The following IGSF21 variants were observed in gnomAD, a reference collection of about 807,000 sequenced individuals.
IGSF21 encodes immunoglobulin superfamily member 21.
IGSF21 carries 28 observed loss-of-function variants against 46.8 expected under a neutral mutation model. The ratio of observed to expected loss-of-function variants is 0.60; its 90% confidence interval spans 0.44 to 0.82. The LOEUF (loss-of-function observed/expected upper bound fraction) is 0.82. Ranked by LOEUF, IGSF21 falls within the 40% of genes least tolerant of loss-of-function variation. IGSF21 has a pLI of 0.00. For missense variants in IGSF21, 624 were observed against 665.5 expected (o/e 0.94, Z 0.69); for synonymous variants, 284 against 273.6 (o/e 1.04, Z -0.38).
chr1:18,118,208 C>T (rs1304397904), intron 1 of IGSF21, among the ~76,000 whole-genome samples: 2 of 152,232 alleles, frequency 1.3e-5, no homozygotes, highest in Non-Finnish European at 2.9e-5. Context: ...CTCAGCGCTC[C>T]TCTGATGGGC....
chr1:18,263,689 C>T (rs990783744), intron 2 of IGSF21, among the ~76,000 whole-genome samples: 3 of 152,112 alleles, frequency 2.0e-5, no homozygotes, highest in Admixed American at 6.5e-5. Flanking sequence ...GCGAAAAGTG[C>T]GGATTCCCAG....
At chr1:18,193,795 C>T (rs556750166) in intron 1 of IGSF21, among the ~76,000 whole-genome samples, 142 of 152,264 alleles carry the variant, frequency 9.3e-4, no homozygotes, top group Admixed American at 1.8e-3. Context: ...ATCACAGAGG[C>T]TTTGGATGGG....
intron 1 of IGSF21, among the ~76,000 whole-genome samples, chr1:18,185,630 G>A (rs1027990751): frequency 2.0e-5 from 3 of 152,162 alleles, no homozygotes; most frequent in Non-Finnish European, 2.9e-5. Context: ...ATTTTGGAGT[G>A]AGACTTCCTG....
chr1:18,372,347 C>T (rs184389458), intron 6 of IGSF21, among the ~76,000 whole-genome samples: 54 of 152,188 alleles, frequency 3.5e-4, no homozygotes, highest in African/African-American at 1.1e-3. Flanking sequence ...CAACAGTGAC[C>T]GGGAATAGTG....
At chr1:18,317,178 G>A (rs1219016171) in intron 3 of IGSF21, among the ~76,000 whole-genome samples, 3 of 152,198 alleles carry the variant, frequency 2.0e-5, no homozygotes, top group African/African-American at 7.2e-5. Context: ...CTCAGTAAAT[G>A]GTGGTTAGTT....
At chr1:18,111,123 TA>T (rs1429159181) in intron 1 of IGSF21, 1 of 152,204 alleles carries the variant, frequency 6.6e-6, no homozygotes, top group African/African-American at 2.4e-5. Context: ...GTGACGACTT[TA>T]TATATTTATC....
intron 6 of IGSF21, 163 bp from the exon 7 acceptor site, chr1:18,376,147 A>C (rs1347980987): frequency 2.9e-6 from 2 of 680,524 alleles, no homozygotes; most frequent in Non-Finnish European, 5.5e-6. Flanking sequence ...ATATGTCTGA[A>C]TGAATGCAGC....
At chr1:18,219,974 G>A (rs1019519869) in intron 1 of IGSF21, among the ~76,000 whole-genome samples, 14 of 152,196 alleles carry the variant, frequency 9.2e-5, no homozygotes, top group African/African-American at 2.4e-4. Context: ...TAGGACAAAA[G>A]CTCAGCTCAC....
intron 5 of IGSF21, among the ~76,000 whole-genome samples, chr1:18,363,403 G>C (rs1421172400): frequency 6.6e-6 from 1 of 152,092 alleles, no homozygotes; most frequent in Non-Finnish European, 1.5e-5. Flanking sequence ...GTGGTAAATG[G>C]GTCTGTAGAG....
At chr1:18,278,744 T>A (rs1241829988) in intron 2 of IGSF21, 2 of 441,698 alleles carry the variant, frequency 4.5e-6, no homozygotes, top group Admixed American at 2.5e-5. Flanking sequence ...TTTGTAGAGA[T>A]GGGGTTTCAC....
intron 2 of IGSF21, among the ~76,000 whole-genome samples, chr1:18,279,507 G>C (rs549376805): frequency 6.6e-6 from 1 of 152,266 alleles, no homozygotes; most frequent in Non-Finnish European, 1.5e-5. Flanking sequence ...TAGAACAGCA[G>C]GAAGAGAACT....
intron 4 of IGSF21, among the ~76,000 whole-genome samples, chr1:18,350,087 A>G (rs181170906): frequency 6.6e-6 from 1 of 152,178 alleles, no homozygotes; most frequent in Non-Finnish European, 1.5e-5. Context: ...TGGTGAGGAA[A>G]GGGCCCTCGC....
intron 4 of IGSF21, among the ~76,000 whole-genome samples, chr1:18,342,543 T>A (rs1194180573): frequency 6.6e-6 from 1 of 152,188 alleles, no homozygotes; most frequent in Non-Finnish European, 1.5e-5. Flanking sequence ...TTCATCGTCC[T>A]CCAAAGAAAC....
At chr1:18,139,130 T>C (rs1447003910) in intron 1 of IGSF21, among the ~76,000 whole-genome samples, 1 of 152,234 alleles carries the variant, frequency 6.6e-6, no homozygotes, top group African/African-American at 2.4e-5. Flanking sequence ...ATGGCAACAC[T>C]TTTTATTCTT....
chr1:18,278,207 CATTTATTTATTTATTT>C (rs552817468), intron 2 of IGSF21, among the ~76,000 whole-genome samples: 5 of 48,902 alleles, frequency 1.0e-4, no homozygotes, highest in South Asian at 9.0e-4. Context: ...TGGCTGCATT[CATTTATTTATTTATTT>C]ATTTATTTAT....
At chr1:18,367,906 C>T (rs1346523277) in intron 6 of IGSF21, among the ~76,000 whole-genome samples, 1 of 151,942 alleles carries the variant, frequency 6.6e-6, no homozygotes, top group East Asian at 1.9e-4. Flanking sequence ...ACCCAGCAGC[C>T]TTTTGATTTT....
chr1:18,137,328 C>T (rs2086375456), intron 1 of IGSF21, among the ~76,000 whole-genome samples: 1 of 152,186 alleles, frequency 6.6e-6, no homozygotes, highest in African/African-American at 2.4e-5. Flanking sequence ...TCACCTTCCA[C>T]CAGACCCCAC....
chr1:18,232,043 A>AT, intron 2 of IGSF21, among the ~76,000 whole-genome samples: 1 of 151,610 alleles, frequency 6.6e-6, no homozygotes. Context: ...GAGAGTTGTC[A>AT]TCCCTCTAAG....
Position 18,127,111 on chromosome 1 carries a change from T to C in IGSF21, c.70+18913T>C, listed in dbSNP as rs139559573. ...CCTTGCTCTCAGCTAAGTCACTGGC[T>C]AGATGGGTCATCTTGAACAGAGCAC... On this transcript the variant is annotated intron_variant, in intron 1 of 9. Transcript: ENST00000251296. Among the ~76,000 whole-genome samples the C allele has an allele frequency of 5.3e-4, 80 of 152,336 alleles. 1 individual carries two copies. Among genetic ancestry groups the C allele is most frequent in the African/African-American group, 1.9e-3 (79 of 41,590 alleles).
Sources: allele counts gnomAD v4.1 joint callset (sites outside exome capture counted in the v4.1 genomes callset), GRCh38; gene constraint gnomAD v4.1.1; transcripts MANE v1.5; gene names NCBI Gene and HGNC (gene_info 2026-07-23, HGNC 2026-07-21).